Variants in CHD8 observed in about 807,000 individuals in gnomAD.
CHD8 encodes the protein chromodomain helicase DNA binding protein 8.
A neutral mutation model predicts 279.2 loss-of-function variants in CHD8; 31 were observed. That is an observed-to-expected ratio of 0.11 (90% confidence interval 0.08 to 0.15). The LOEUF (loss-of-function observed/expected upper bound fraction) is 0.15. Ranked by LOEUF, CHD8 falls within the 10% of genes least tolerant of loss-of-function variation. The probability of loss-of-function intolerance (pLI) is 1.00; values close to 1 mark genes in which losing one functional copy is unlikely to be tolerated. For synonymous variants in CHD8, 1,081 were observed against 1,139.6 expected, an observed-to-expected ratio of 0.95 and a Z score of 1.04; for missense variants, 2,146 against 3,230.5, an observed-to-expected ratio of 0.66 and a Z score of 8.14.
intron 2 of CHD8, chr14:21,430,077 T>C (rs1267252991): frequency 2.0e-5 from 3 of 153,312 alleles, no homozygotes; most frequent in Non-Finnish European, 4.4e-5. Flanking sequence ...ATCTGCCTCC[T>C]TGTAGCTTCT....
rs1348503153 is a variant in CHD8, at chr14:21,429,338, A to G, written c.844-3T>C. ...AGGGTGATGCGTTTCGATTCACCCT[A>G]AAGTGAAGAAAGGAAATTGCAAGAG... On this transcript the variant is annotated splice_region_variant and splice_polypyrimidine_tract_variant and intron_variant, in intron 2 of 37. Coordinates refer to ENST00000646647, the MANE Select transcript of CHD8 (RefSeq NM_001170629.2). The G allele has an allele frequency of 1.9e-5, 30 of 1,602,556 alleles. No homozygotes were observed. Among genetic ancestry groups the G allele is most frequent in the Non-Finnish European group, 2.6e-5 (30 of 1,171,704 alleles).
intron 2 of CHD8, 198 bp downstream of exon 2, chr14:21,430,603 A>C: frequency 1.3e-4 from 70 of 525,050 alleles, no homozygotes; most frequent in East Asian, 3.3e-4. Flanking sequence ...ATGTGTAGTA[A>C]GAGCTCAAAA....
chr14:21,395,524 G>C (rs1887742620), intron 28 of CHD8, 172 bp from the exon 29 acceptor site: 12 of 608,058 alleles, frequency 2.0e-5, no homozygotes, highest in Admixed American at 6.0e-5. Context: ...AAAAGAACAA[G>C]AAAGTAGAAC....
intron 37 of CHD8, among the ~76,000 whole-genome samples, chr14:21,390,710 G>A (rs112933769): frequency 9.2e-5 from 14 of 151,864 alleles, no homozygotes; most frequent in African/African-American, 3.1e-4. Flanking sequence ...CCCGGCGGGC[G>A]GAGGTTGCAG....
intron 5 of CHD8, among the ~76,000 whole-genome samples, chr14:21,423,646 C>A (rs889105384): frequency 4.6e-5 from 7 of 152,134 alleles, no homozygotes; most frequent in Non-Finnish European, 8.8e-5. Flanking sequence ...AAGAGATCCT[C>A]CTGCCTCAGC....
intron 9 of CHD8, among the ~76,000 whole-genome samples, chr14:21,413,555 C>T (rs192119391): frequency 8.6e-5 from 13 of 151,964 alleles, no homozygotes; most frequent in African/African-American, 2.4e-4. Flanking sequence ...CCACTATGAC[C>T]GGCTAATTTT....
intron 34 of CHD8, chr14:21,392,165 C>T (rs187908001): frequency 3.3e-5 from 25 of 759,552 alleles, no homozygotes; most frequent in Admixed American, 1.0e-4. Flanking sequence ...TCAGCATTTA[C>T]GAGAAAGAGT....
At chr14:21,417,767 T>C (rs1888795327) in intron 5 of CHD8, among the ~76,000 whole-genome samples, 1 of 149,370 alleles carries the variant, frequency 6.7e-6, no homozygotes, top group Non-Finnish European at 1.5e-5. Flanking sequence ...GGCAGGAGAA[T>C]GGCGTGAACC....
chr14:21,419,727 A>ATG (rs1888929735), intron 5 of CHD8: 20 of 261,176 alleles, frequency 7.7e-5, no homozygotes, highest in Middle Eastern at 5.2e-4. Flanking sequence ...CCCCAGGGGC[A>ATG]CAGTCTTCAG....
At position 21,428,993 on chromosome 14, in the gene CHD8, C is replaced by T; in HGVS notation, c.1186G>A (p.Val396Ile). 7.4e-6 allele frequency: 12 copies of T among 1,613,972 alleles called. No individual in the cohort carries two copies. Among genetic ancestry groups the T allele is most frequent in the Non-Finnish European group, 8.5e-6 (10 of 1,179,886 alleles). ...PGQSPGQRLS[V>I]PVKVVLQPQA... ...GGCTGCAGTACCACCTTGACTGGTA[C>T]TGAAAGTCTTTGTCCTGGGCTTTGT... is the stretch of plus-strand genomic sequence containing the variant. Residue 396 changes from valine to isoleucine, a missense_variant, in exon 3 of 38, where the codon GTA (valine) becomes ATA (isoleucine). Physicochemically the swap from Val to Ile is conservative, Grantham distance 29. Transcript: ENST00000646647.
chr14:21,390,705 C>T lies in CHD8; in HGVS notation c.7182+242G>A, dbSNP rs563946837. 1.1e-4 allele frequency among the ~76,000 whole-genome samples: 16 copies of T among 148,628 alleles called. No individual in the cohort carries two copies. In the East Asian group the frequency reaches 2.8e-3, roughly 26 times the overall value. ...ATGCACGAGAATTGCTTGAACCCGG[C>T]GGGCGGAGGTTGCAGTAGGCCAAGA... On this transcript the variant is annotated intron_variant, in intron 37 of 37. Coordinates refer to ENST00000646647, the MANE Select transcript of CHD8 (RefSeq NM_001170629.2).
chr14:21,404,136 G>A (rs1305441531), intron 16 of CHD8, among the ~76,000 whole-genome samples: 1 of 151,076 alleles, frequency 6.6e-6, no homozygotes, highest in African/African-American at 2.4e-5. Context: ...AGTGGTTCAC[G>A]CCTGTAATCC....
rs1889309921 is a variant in CHD8, at chr14:21,426,202, T to C, written c.1642A>G (p.Thr548Ala). ...TCCACATCTGAATTATCAGATGAGG[T>C]ATTACGTTTTCTCTTCTTACCCACT... is the stretch of plus-strand genomic sequence containing the variant. ...PVVGKKRKRN[T>A]SSDNSDVEVM... Residue 548 changes from threonine to alanine, a missense_variant, in exon 5 of 38, where the codon ACC becomes GCC. By Grantham distance (58) the Thr-to-Ala change is moderately conservative. Transcript: ENST00000646647. 1.2e-6 allele frequency: 2 copies of C among 1,610,246 alleles called. No homozygotes were observed. The highest frequency in any genetic ancestry group is 1.1e-5 in the South Asian group (1 of 90,786).
Position 21,400,046 on chromosome 14 carries a change from T to A in CHD8, c.4752A>T (p.Leu1584=), listed in dbSNP as rs61756311. The A allele has an allele frequency of 9.3e-6, 15 of 1,613,632 alleles. No homozygotes were observed. Among genetic ancestry groups the A allele is most frequent in the African/African-American group, 1.3e-5 (1 of 74,866 alleles). Residue 1584 remains leucine, a synonymous_variant, in exon 25 of 38, where the codon CTA becomes CTT. Coordinates refer to ENST00000646647, the MANE Select transcript of CHD8 (RefSeq NM_001170629.2). The surrounding 1 kb of genome is among the most constrained non-coding windows in gnomAD (Gnocchi z 4.2). ...CNKVLLRVRM[L]YYLRQEVIGD... ...CAATAACCTCCTGCCTCAGGTAGTA[T>A]AGCATTCGTACCCGCAACAGTACCC...
At chr14:21,386,462 C>CT (rs1887241731) in intron 37 of CHD8, 2 of 440,970 alleles carry the variant, frequency 4.5e-6, no homozygotes, top group African/African-American at 3.9e-5. Context: ...TGTATCTTTA[C>CT]TTTAGTCAAC....
chr14:21,430,555 G>A, intron 2 of CHD8: 1 of 459,522 alleles, frequency 2.2e-6, no homozygotes. Context: ...GACAGGGACT[G>A]TGTTTGCCTT....
In CHD8 at chr14:21,426,133, T is replaced by A. The variant is rs760419936; in HGVS notation, c.1711A>T (p.Ile571Phe). The A allele has an allele frequency of 6.9e-6, 11 of 1,588,136 alleles. No homozygotes were observed. The highest frequency in any genetic ancestry group is 1.3e-5 in the African/African-American group (1 of 74,466). Reference sequence around the variant, plus strand: ...TTCTTTTGGGATCCTTTTACCTGAATGCTGCTTTCTTCATCTTCTCGAGGT... The same window carrying A: ...TTCTTTTGGGATCCTTTTACCTGAAAGCTGCTTTCTTCATCTTCTCGAGGT... ...QSPREDEESS[I>F]QKRRSNRQVK... The change falls in exon 5 of 38, where the codon ATT becomes TTT. Residue 571 changes from isoleucine (I) to phenylalanine (F), a missense_variant. This residue lies in a region of CHD8 where 123 missense variants were observed against 169.2 expected (regional missense o/e 0.73). Coordinates refer to ENST00000646647, the MANE Select transcript of CHD8 (RefSeq NM_001170629.2).
rs1308182376 is a variant in CHD8, at chr14:21,394,480, G to A, written c.5396C>T (p.Thr1799Ile). 3.1e-6 allele frequency: 5 copies of A among 1,591,818 alleles called. No homozygotes were observed. Among genetic ancestry groups the A allele is most frequent in the Non-Finnish European group, 4.3e-6 (5 of 1,168,194 alleles). The change falls in exon 31 of 38, where the codon ACA becomes ATA. Residue 1799 changes from threonine to isoleucine, a missense_variant. Transcript: ENST00000646647. ...IARREKQQRW[T>I]RREQTDFYRV... ...ATAAAAATCAGTTTGTTCACGCCTT[G>A]TCCATCTACAAAAGGAAAAGTAGGG...
At position 21,400,877 on chromosome 14, in the gene CHD8, A is replaced by G. The variant is rs1198040424; in HGVS notation, c.4368T>C (p.Tyr1456=). 2.5e-6 allele frequency: 4 copies of G among 1,608,506 alleles called. No individual in the cohort carries two copies. In the African/African-American group the frequency reaches 4.0e-5, roughly 16 times the overall value. Residue 1456 remains tyrosine (Y), a splice_region_variant and synonymous_variant, in exon 22 of 38, where the codon TAT becomes TAC. Transcript: ENST00000646647. The surrounding 1 kb of genome is among the most constrained non-coding windows in gnomAD (Gnocchi z 4.2). ...CFRVEKHLLV[Y]GWGRWRDILS... is the part of the protein sequence containing the mutation. ...CTAATGGTAAGTTGGGGTCTTACCC[A>G]TATACCAGGAGATGCTTTTCCACCC...
Sources: gnomAD v4.1 joint callset for allele counts (sites outside exome capture counted in the v4.1 genomes callset) on GRCh38, gnomAD v4.1.1 for gene constraint, gnomAD v4.1.1 regional missense constraint, Gnocchi (gnomAD v3.1) non-coding constraint, MANE v1.5 for transcripts, NCBI Gene and HGNC (gene_info 2026-07-23, HGNC 2026-07-21) for gene names.